The following GUCY1A2 variants were observed in gnomAD, a reference collection of about 807,000 sequenced individuals.
GUCY1A2 encodes the protein guanylate cyclase 1 soluble subunit alpha 2, also known as guanylate cyclase soluble subunit alpha-2.
A neutral mutation model predicts 63.5 loss-of-function variants in GUCY1A2; 27 were observed. The ratio of observed to expected loss-of-function variants is 0.43; its 90% CI spans 0.31 to 0.59. The LOEUF (loss-of-function observed/expected upper bound fraction) is 0.59, where lower values mean the gene tolerates loss of function less well. Ranked by LOEUF, GUCY1A2 falls within the 20% of genes least tolerant of loss-of-function variation. GUCY1A2 has a pLI of 0.11. For synonymous variants in GUCY1A2, 364 were observed against 343.5 expected (o/e 1.06, Z -0.66); for missense variants, 768 against 913.3 (o/e 0.84, Z 2.05).
chr11:106,804,905 C>G (rs912196563), intron 5 of GUCY1A2, among the ~76,000 whole-genome samples: 1 of 152,040 alleles, frequency 6.6e-6, no homozygotes, highest in Non-Finnish European at 1.5e-5. Context: ...TCATCTAGTC[C>G]CCTTGGGCCC....
intron 4 of GUCY1A2, among the ~76,000 whole-genome samples, chr11:106,925,736 GC>G (rs1860513070): frequency 6.6e-6 from 1 of 152,150 alleles, no homozygotes; most frequent in African/African-American, 2.4e-5. Context: ...CATAAAGTGT[GC>G]TTTTGAAAAA....
At chr11:106,861,511 T>TCC (rs1859512063) in intron 4 of GUCY1A2, among the ~76,000 whole-genome samples, 1 of 151,920 alleles carries the variant, frequency 6.6e-6, no homozygotes, top group South Asian at 2.1e-4. Context: ...ATAATCATCT[T>TCC]CCCCAAAGCA....
At chr11:106,966,644 G>A (rs971366800) in intron 3 of GUCY1A2, among the ~76,000 whole-genome samples, 4 of 152,068 alleles carry the variant, frequency 2.6e-5, no homozygotes, top group African/African-American at 9.7e-5. Flanking sequence ...ATTATATACA[G>A]ACGTCTGTGG....
chr11:106,682,911 T>C lies in GUCY1A2; in HGVS notation c.*4638A>G, dbSNP rs1223513331. ...AGTGTGAGGAAGGAATTTTGCACAC[T>C]ATCTCAGTATAGCCTGACAAGATTG... On this transcript the variant is annotated 3_prime_UTR_variant, in exon 8 of 8. Coordinates refer to ENST00000526355, the MANE Select transcript of GUCY1A2 (RefSeq NM_000855.3). The C allele has an allele frequency of 1.4e-5, 3 of 215,862 alleles. No individual in the cohort carries two copies. The highest frequency in any genetic ancestry group is 2.8e-5 in the Non-Finnish European group (3 of 106,946). 13.4% of individuals were successfully genotyped at this position (215,862 alleles called of 1,614,324 possible). A position where few individuals can be genotyped will look rare whatever the true frequency, so the allele number is the denominator to read the frequency against.
intron 4 of GUCY1A2, among the ~76,000 whole-genome samples, chr11:106,926,652 T>G (rs1860527085): frequency 6.6e-6 from 1 of 151,838 alleles, no homozygotes; most frequent in Non-Finnish European, 1.5e-5. Flanking sequence ...CCGAACACAT[T>G]TTTTAAATTA....
At chr11:106,864,597 A>T (rs1052069276) in intron 4 of GUCY1A2, among the ~76,000 whole-genome samples, 15 of 152,068 alleles carry the variant, frequency 9.9e-5, no homozygotes, top group Non-Finnish European at 1.6e-4. Flanking sequence ...CATTCCATCA[A>T]TACCTAGTTG....
At chr11:106,697,339 A>G (rs976080944) in intron 7 of GUCY1A2, among the ~76,000 whole-genome samples, 2 of 152,244 alleles carry the variant, frequency 1.3e-5, no homozygotes, top group African/African-American at 4.8e-5. Flanking sequence ...TTCACACAAA[A>G]GAGCAGTGGG....
intron 3 of GUCY1A2, among the ~76,000 whole-genome samples, chr11:106,950,302 C>G (rs1860888460): frequency 6.6e-6 from 1 of 152,188 alleles, no homozygotes; most frequent in Non-Finnish European, 1.5e-5. Flanking sequence ...CTTCAGCACC[C>G]TGGCATATTG....
At chr11:107,012,517 G>GA (rs1331304538) in intron 1 of GUCY1A2, among the ~76,000 whole-genome samples, 1 of 152,040 alleles carries the variant, frequency 6.6e-6, no homozygotes, top group Non-Finnish European at 1.5e-5. Flanking sequence ...CACAAAAGAG[G>GA]AAACTAAGGC....
chr11:106,931,074 A>G (rs1262429529), intron 4 of GUCY1A2, among the ~76,000 whole-genome samples: 5 of 152,234 alleles, frequency 3.3e-5, no homozygotes, highest in African/African-American at 4.8e-5. Flanking sequence ...TTTAAAGGAC[A>G]GTAAATTGAA....
chr11:106,892,316 C>G (rs796536999), intron 4 of GUCY1A2, among the ~76,000 whole-genome samples: 14 of 151,986 alleles, frequency 9.2e-5, no homozygotes, highest in African/African-American at 3.1e-4. Context: ...CCAATGCTAT[C>G]TCTCATTTTC....
chr11:106,840,710 T>A (rs1475863283), intron 4 of GUCY1A2, among the ~76,000 whole-genome samples: 3 of 151,966 alleles, frequency 2.0e-5, no homozygotes, highest in Non-Finnish European at 1.5e-5. Flanking sequence ...TTTAAAATGG[T>A]TCTATCTTTA....
At chr11:106,943,125 A>G (rs1860772972) in intron 3 of GUCY1A2, among the ~76,000 whole-genome samples, 1 of 152,232 alleles carries the variant, frequency 6.6e-6, no homozygotes, top group African/African-American at 2.4e-5. Flanking sequence ...GATTACTTCA[A>G]CTTTTACAAA....
At chr11:106,705,305 T>C (rs1329134567) in intron 7 of GUCY1A2, among the ~76,000 whole-genome samples, 3 of 152,062 alleles carry the variant, frequency 2.0e-5, no homozygotes, top group African/African-American at 7.2e-5. Flanking sequence ...TAAAAACACA[T>C]AGGAATAAAC....
chr11:106,760,510 C>T (rs1249590612), intron 6 of GUCY1A2, among the ~76,000 whole-genome samples: 1 of 152,068 alleles, frequency 6.6e-6, no homozygotes, highest in Non-Finnish European at 1.5e-5. Flanking sequence ...CTTTTTAATA[C>T]ATGAATAGTA....
intron 3 of GUCY1A2, among the ~76,000 whole-genome samples, chr11:106,972,373 A>C (rs1168458838): frequency 6.6e-6 from 1 of 152,124 alleles, no homozygotes; most frequent in Non-Finnish European, 1.5e-5. Flanking sequence ...CATTTAAAAA[A>C]AACTTAAAGG....
chr11:106,976,249 T>C (rs575818219), intron 3 of GUCY1A2, among the ~76,000 whole-genome samples: 26 of 151,738 alleles, frequency 1.7e-4, no homozygotes, highest in Non-Finnish European at 1.0e-4. Flanking sequence ...CCTTCTGCCA[T>C]CCAAAAAAAA....
intron 6 of GUCY1A2, among the ~76,000 whole-genome samples, chr11:106,716,747 C>CGACA (rs1320270474): frequency 3.3e-4 from 38 of 115,550 alleles, no homozygotes; most frequent in Middle Eastern, 8.2e-3. Flanking sequence ...CCAGCCTGGG[C>CGACA]GACAGAGCCA....
chr11:106,701,314 A>T (rs532662525), intron 7 of GUCY1A2, among the ~76,000 whole-genome samples: 14 of 152,232 alleles, frequency 9.2e-5, no homozygotes, highest in Admixed American at 2.6e-4. Context: ...AGACAGAGAT[A>T]CTAATATAGT....
Sources: allele counts gnomAD v4.1 joint callset (sites outside exome capture counted in the v4.1 genomes callset), GRCh38; gene constraint gnomAD v4.1.1; transcripts MANE v1.5; gene names NCBI Gene and HGNC (gene_info 2026-07-23, HGNC 2026-07-21).